The following HEPH variants were observed in gnomAD, a reference collection of about 807,000 sequenced individuals.
HEPH encodes the protein hephaestin.
HEPH carries 69 observed loss-of-function variants against 80.8 expected under a neutral mutation model. The observed-to-expected ratio is 0.85, with a 90% CI of 0.70 to 1.04. HEPH has a LOEUF of 1.04. Among genes scored for constraint, HEPH ranks in the 50% least tolerant of loss-of-function variants. The pLI is 0.00. For missense variants in HEPH, 1,115 were observed against 891.3 expected, an observed-to-expected ratio of 1.25 and a Z score of -3.20; for synonymous variants, 431 against 322.8, an observed-to-expected ratio of 1.34 and a Z score of -3.60.
At chrX:66,263,251 A>G (rs1471955837) in intron 19 of HEPH, among the ~76,000 whole-genome samples, 1 of 112,014 alleles carries the variant, frequency 8.9e-6, no homozygotes, top group Admixed American at 9.5e-5. Context: ...TATTAAATCA[A>G]GGAGAGGAAG....
chrX:66,228,735 A>C (rs972506560), intron 15 of HEPH, among the ~76,000 whole-genome samples: 3 of 112,455 alleles, frequency 2.7e-5, no homozygotes, highest in Non-Finnish European at 5.6e-5. Flanking sequence ...GACAATTCTC[A>C]AAAGAAGATA....
chrX:66,175,389 C>T (rs907348376), intron 4 of HEPH, among the ~76,000 whole-genome samples: 2 of 111,929 alleles, frequency 1.8e-5, no homozygotes, highest in Non-Finnish European at 3.8e-5. Context: ...ATACCAGTAC[C>T]ATGCTGTTTT....
At chrX:66,200,810 G>C (rs2088398092) in intron 12 of HEPH, 58 bp downstream of exon 12, 1 of 954,389 alleles carries the variant, frequency 1.0e-6, no homozygotes, top group Non-Finnish European at 1.5e-6. Context: ...CAGGAATGGG[G>C]TCGGGAAGAG....
chrX:66,183,566 A>T (rs1374198655), intron 4 of HEPH, among the ~76,000 whole-genome samples: 1 of 31,417 alleles, frequency 3.2e-5, no homozygotes, highest in Non-Finnish European at 4.4e-5. Context: ...ATCATTTTTT[A>T]TTGTGTCTAT....
chrX:66,261,366 T>C (rs1490859527), intron 19 of HEPH, among the ~76,000 whole-genome samples: 2 of 111,463 alleles, frequency 1.8e-5, no homozygotes, highest in Non-Finnish European at 3.8e-5. Flanking sequence ...CACTCTTTGT[T>C]CCTCACCAAA....
chrX:66,216,423 A>G (rs949969640), intron 15 of HEPH, among the ~76,000 whole-genome samples: 11 of 112,109 alleles, frequency 9.8e-5, no homozygotes, highest in Middle Eastern at 4.6e-3. Context: ...TTCTTTGCAG[A>G]CACTCCCCAT....
chrX:66,217,533 A>C, intron 15 of HEPH, among the ~76,000 whole-genome samples: 1 of 111,717 alleles, frequency 9.0e-6, no homozygotes, highest in Non-Finnish European at 1.9e-5. Flanking sequence ...TGCTAAAAGG[A>C]ACTCTAAAAC....
chrX:66,232,741 A>G (rs1028800217), intron 15 of HEPH, among the ~76,000 whole-genome samples: 1 of 111,470 alleles, frequency 9.0e-6, no homozygotes, highest in African/African-American at 3.3e-5. Flanking sequence ...TATATAAAAA[A>G]TACATAAATA....
At chrX:66,187,614 TC>T (rs2087536540) in intron 4 of HEPH, among the ~76,000 whole-genome samples, 1 of 111,741 alleles carries the variant, frequency 8.9e-6, no homozygotes, top group Non-Finnish European at 1.9e-5. Context: ...TATGGGTCTC[TC>T]TGCTGTGAAT....
At chrX:66,192,920 C>A (rs955114579) in intron 7 of HEPH, among the ~76,000 whole-genome samples, 1 of 111,282 alleles carries the variant, frequency 9.0e-6, no homozygotes, top group South Asian at 3.8e-4. Context: ...GATGACAGGT[C>A]TTCCACAGAG....
At chrX:66,168,599 C>A (rs1318063915) in intron 1 of HEPH, among the ~76,000 whole-genome samples, 1 of 111,698 alleles carries the variant, frequency 9.0e-6, no homozygotes, top group African/African-American at 3.3e-5. Context: ...TGGGTCACTG[C>A]TGCGTATGGA....
At position 66,266,503 on chromosome X, in the gene HEPH, A is replaced by G. The variant is rs200608069; in HGVS notation, c.3308A>G (p.Lys1103Arg). ...VKMLGMQIPI[K>R]NVEMLASVLV... ...ATGCTGGGCATGCAGATCCCCATAA[A>G]GAATGTTGAGATGCTGGCCTCTGTT... The change falls in exon 21 of 21, where the codon AAG (lysine) becomes AGG (arginine). Residue 1103 changes from lysine (K) to arginine (R), a missense_variant. Lys to Arg is a conservative substitution (Grantham distance 26, BLOSUM62 2). Around this residue, in one of 3 missense-constraint regions of HEPH, gnomAD observed 716 missense variants for 523.5 expected, o/e 1.37. Transcript: ENST00000343002. 1.6e-5 allele frequency: 19 copies of G among 1,206,867 alleles called. No individual in the cohort carries two copies. The East Asian group carries it at 5.3e-4, about 34-fold the overall frequency.
chrX:66,203,036 G>C (rs1386129261), intron 12 of HEPH, among the ~76,000 whole-genome samples: 1 of 106,481 alleles, frequency 9.4e-6, no homozygotes, highest in African/African-American at 3.4e-5. Flanking sequence ...ATGGCAGTTT[G>C]CCTAGTACTG....
At chrX:66,188,621 C>A in intron 5 of HEPH, 80 bp downstream of exon 5, 1 of 840,648 alleles carries the variant, frequency 1.2e-6, no homozygotes, top group Non-Finnish European at 1.7e-6. Flanking sequence ...TTGGTGGATG[C>A]TTTCACATAC....
intron 13 of HEPH, among the ~76,000 whole-genome samples, chrX:66,205,312 C>T (rs2088704522): frequency 9.0e-6 from 1 of 111,649 alleles, no homozygotes; most frequent in Non-Finnish European, 1.9e-5. Flanking sequence ...CATATGTACC[C>T]AATGCATAGC....
Position 66,173,784 on chromosome X carries a change from T to C in HEPH, c.608T>C (p.Leu203Pro). ...RDIATGLIGP[L>P]ITCKRGALDG... ...ATTGCAACTGGCCTAATTGGGCCTC[T>C]CATCACCTGTAAAAGAGGTACAGGT... Residue 203 changes from leucine to proline, a missense_variant, in exon 4 of 21, where the codon CTC (leucine) becomes CCC (proline). Physicochemically the swap from Leu to Pro is moderately conservative, Grantham distance 98 (BLOSUM62 -3). Coordinates refer to ENST00000343002, the MANE Select transcript of HEPH (RefSeq NM_001367233.3). The C allele has an allele frequency of 1.7e-6, 2 of 1,188,536 alleles. No homozygotes were observed. Among genetic ancestry groups the C allele is most frequent in the Non-Finnish European group, 2.3e-6 (2 of 881,571 alleles).
chrX:66,236,773 G>A (rs2090376447), intron 15 of HEPH, among the ~76,000 whole-genome samples: 1 of 111,106 alleles, frequency 9.0e-6, no homozygotes, highest in Non-Finnish European at 1.9e-5. Context: ...GTGGCTGGTA[G>A]GCTATTACTG....
chrX:66,171,947 C>T (rs1007821491), intron 2 of HEPH, among the ~76,000 whole-genome samples: 10 of 111,909 alleles, frequency 8.9e-5, no homozygotes, highest in Non-Finnish European at 1.9e-4. Context: ...AGTCAGCAAT[C>T]AATCCAAGTG....
chrX:66,195,026 C>A, intron 8 of HEPH, 72 bp from the exon 9 acceptor site: 2 of 873,915 alleles, frequency 2.3e-6, no homozygotes, highest in Non-Finnish European at 3.1e-6. Context: ...CTTTCCCTCC[C>A]TCTTCTTCCA....
Sources: allele counts gnomAD v4.1 joint callset (sites outside exome capture counted in the v4.1 genomes callset), GRCh38; gene constraint gnomAD v4.1.1; regional missense constraint gnomAD v4.1.1; transcripts MANE v1.5; gene names NCBI Gene and HGNC (gene_info 2026-07-23, HGNC 2026-07-21).